The following RNF150 variants were observed in gnomAD, a reference collection of about 807,000 sequenced individuals.
RNF150 encodes the protein ring finger protein 150.
Under a neutral mutation model 39.3 loss-of-function variants are expected in RNF150, and 24 were observed. The observed-to-expected ratio is 0.61, with a 90% CI of 0.44 to 0.86. RNF150 has a LOEUF of 0.86. Among genes scored for constraint, RNF150 ranks in the 40% least tolerant of loss-of-function variants. The probability of loss-of-function intolerance (pLI) is 0.00; values close to 1 mark genes in which losing one functional copy is unlikely to be tolerated. For missense variants in RNF150, 502 were observed against 587.8 expected (o/e 0.85, Z 1.51); for synonymous variants, 255 against 227.3 (o/e 1.12, Z -1.10).
intron 1 of RNF150, among the ~76,000 whole-genome samples, chr4:141,174,923 A>G (rs1021991103): frequency 1.3e-5 from 2 of 152,194 alleles, no homozygotes; most frequent in South Asian, 2.1e-4. Flanking sequence ...ACCAACTCCA[A>G]ATGAAGGAGT....
intron 5 of RNF150, among the ~76,000 whole-genome samples, chr4:140,919,484 G>T (rs1009209163): frequency 6.7e-6 from 1 of 148,510 alleles, no homozygotes; most frequent in Non-Finnish European, 1.5e-5. Context: ...TACAAGGGAC[G>T]TGAAGGACCT....
At chr4:141,151,272 G>C (rs758413275) in intron 1 of RNF150, among the ~76,000 whole-genome samples, 1 of 151,976 alleles carries the variant, frequency 6.6e-6, no homozygotes, top group Non-Finnish European at 1.5e-5. Flanking sequence ...TTGTATAAGA[G>C]TTGTTAGAAT....
intron 1 of RNF150, among the ~76,000 whole-genome samples, chr4:141,184,437 T>TC (rs1727965720): frequency 6.6e-6 from 1 of 152,242 alleles, no homozygotes; most frequent in African/African-American, 2.4e-5. Flanking sequence ...AAAAGTTTTC[T>TC]CCCATTTTGT....
chr4:141,174,378 T>TAAGACACAGAG (rs1727775276), intron 1 of RNF150, among the ~76,000 whole-genome samples: 3 of 152,148 alleles, frequency 2.0e-5, no homozygotes, highest in Non-Finnish European at 4.4e-5. Context: ...GAGGCCCAAG[T>TAAGACACAGAG]GTTAATACCA....
At chr4:140,983,028 C>T (rs1280088862) in intron 1 of RNF150, among the ~76,000 whole-genome samples, 1 of 152,042 alleles carries the variant, frequency 6.6e-6, no homozygotes, top group Non-Finnish European at 1.5e-5. Flanking sequence ...ACTTTATGAC[C>T]ACAAATCTTT....
At chr4:140,906,751 T>A (rs1326446843) in intron 6 of RNF150, among the ~76,000 whole-genome samples, 1 of 152,188 alleles carries the variant, frequency 6.6e-6, no homozygotes, top group East Asian at 1.9e-4. Context: ...CTTTTCAGAA[T>A]GTATGGGGCA....
intron 1 of RNF150, among the ~76,000 whole-genome samples, chr4:141,032,969 G>A (rs1736008426): frequency 6.6e-6 from 1 of 152,144 alleles, no homozygotes; most frequent in Non-Finnish European, 1.5e-5. Flanking sequence ...CCTTGATGTT[G>A]AGGGCTGCCG....
chr4:141,203,945 C>T (rs566078117), intron 1 of RNF150, among the ~76,000 whole-genome samples: 28 of 152,034 alleles, frequency 1.8e-4, no homozygotes, highest in African/African-American at 6.8e-4. Flanking sequence ...ATGAGTAGGA[C>T]CCAGCAGAAG....
chr4:141,121,851 T>C (rs988043214), intron 1 of RNF150, among the ~76,000 whole-genome samples: 4 of 152,164 alleles, frequency 2.6e-5, no homozygotes, highest in Non-Finnish European at 5.9e-5. Context: ...AAGAACCACG[T>C]GGTATAAGAA....
At chr4:141,199,284 T>C (rs1420408054) in intron 1 of RNF150, among the ~76,000 whole-genome samples, 2 of 152,246 alleles carry the variant, frequency 1.3e-5, no homozygotes, top group Non-Finnish European at 2.9e-5. Flanking sequence ...TGCAAAATTT[T>C]ACAGCCAATT....
intron 5 of RNF150, among the ~76,000 whole-genome samples, chr4:140,921,586 C>A (rs1164621648): frequency 6.6e-6 from 1 of 152,104 alleles, no homozygotes; most frequent in Admixed American, 6.6e-5. Context: ...CCAATCAATA[C>A]AAAAAGAGGG....
chr4:140,939,208 G>A (rs1257330063), intron 4 of RNF150, among the ~76,000 whole-genome samples: 1 of 152,096 alleles, frequency 6.6e-6, no homozygotes. Context: ...TTACTGCTCT[G>A]TATCAGGAAC....
intron 1 of RNF150, among the ~76,000 whole-genome samples, chr4:141,011,668 T>C (rs73849458): frequency 0.076 from 11,541 of 152,292 alleles, 492 homozygotes; most frequent in Middle Eastern, 0.16. Context: ...AAACCATTTA[T>C]GTAAAAAAAC....
chr4:141,081,486 G>A (rs1738145499), intron 1 of RNF150, among the ~76,000 whole-genome samples: 1 of 152,186 alleles, frequency 6.6e-6, no homozygotes, highest in South Asian at 2.1e-4. Context: ...CAGCATGGGT[G>A]GGATTTCATG....
At chr4:141,095,731 T>C (rs1047127640) in intron 1 of RNF150, among the ~76,000 whole-genome samples, 2 of 152,192 alleles carry the variant, frequency 1.3e-5, no homozygotes, top group Non-Finnish European at 2.9e-5. Context: ...GTTGCATATA[T>C]AAAAATTAAA....
In RNF150 at chr4:141,075,251, G is replaced by A. The variant is rs74647214; in HGVS notation, c.484+57074C>T. Among the ~76,000 whole-genome samples, 1,353 of 152,338 alleles carry A rather than the reference G, an allele frequency of 8.9e-3. 24 individuals are homozygous for A. The highest frequency in any genetic ancestry group is 0.031 in the African/African-American group (1,303 of 41,570). ...TTCAACTCTGCACTGTAATGCGAAA[G>A]CAGCTATAGGCGATACTTAAACAAA... is the stretch of plus-strand genomic sequence containing the variant. On this transcript the variant is annotated intron_variant, in intron 1 of 6. Coordinates refer to ENST00000515673, the MANE Select transcript of RNF150 (RefSeq NM_020724.2).
chr4:140,960,584 A>G (rs1475127093), intron 2 of RNF150, among the ~76,000 whole-genome samples: 3 of 152,102 alleles, frequency 2.0e-5, no homozygotes, highest in Non-Finnish European at 4.4e-5. Context: ...CTAGGGAGGG[A>G]AGAGGGGCTT....
At chr4:140,947,268 A>C (rs1732353929) in intron 4 of RNF150, among the ~76,000 whole-genome samples, 1 of 152,182 alleles carries the variant, frequency 6.6e-6, no homozygotes, top group Non-Finnish European at 1.5e-5. Flanking sequence ...TCATTCACAA[A>C]ATATTTTTCA....
chr4:141,098,749 A>G (rs887893259), intron 1 of RNF150, among the ~76,000 whole-genome samples: 5 of 152,132 alleles, frequency 3.3e-5, no homozygotes, highest in African/African-American at 1.2e-4. Flanking sequence ...ATTTTGCTAC[A>G]TTGTCTCTCT....
Sources: gnomAD v4.1 joint callset for allele counts (sites outside exome capture counted in the v4.1 genomes callset) on GRCh38, gnomAD v4.1.1 for gene constraint, MANE v1.5 for transcripts, NCBI Gene and HGNC (gene_info 2026-07-23, HGNC 2026-07-21) for gene names.